ZNF475: variants seen among roughly 807,000 people sequenced by gnomAD.
ZNF475 encodes zinc finger protein 475.
the ZNF475 span, among the ~76,000 whole-genome samples, chr5:122,170,284 G>A: frequency 1.3e-5 from 2 of 151,978 alleles, no homozygotes; most frequent in African/African-American, 4.8e-5. Flanking sequence ...AAAAGTTGAG[G>A]GCTCAGTCTC....
the ZNF475 span, among the ~76,000 whole-genome samples, chr5:122,178,872 T>C: frequency 6.6e-6 from 1 of 152,232 alleles, no homozygotes; most frequent in African/African-American, 2.4e-5. Context: ...GTTTTAGATC[T>C]TACATTTCAT....
At chr5:122,171,997 G>T in the ZNF475 span, among the ~76,000 whole-genome samples, 1 of 152,016 alleles carries the variant, frequency 6.6e-6, no homozygotes, top group Non-Finnish European at 1.5e-5. Context: ...TACCTGCCTT[G>T]GTCTCCCAAA....
At chr5:122,165,290 G>C in the ZNF475 span, among the ~76,000 whole-genome samples, 2 of 152,150 alleles carry the variant, frequency 1.3e-5, no homozygotes, top group Non-Finnish European at 1.5e-5. Context: ...TGTTTTATTG[G>C]CTTTTGAAAT....
chr5:122,168,176 C>G, the ZNF475 span, among the ~76,000 whole-genome samples: 2 of 152,196 alleles, frequency 1.3e-5, no homozygotes, highest in Non-Finnish European at 2.9e-5. Flanking sequence ...TCCCTAATAG[C>G]TGGGGTTACA....
chr5:122,175,925 G>A, the ZNF475 span, among the ~76,000 whole-genome samples: 1 of 152,186 alleles, frequency 6.6e-6, no homozygotes, highest in South Asian at 2.1e-4. Flanking sequence ...AAAGTGTATT[G>A]TTCTCTTCCT....
At chr5:122,179,247 AT>A in the ZNF475 span, among the ~76,000 whole-genome samples, 1 of 152,144 alleles carries the variant, frequency 6.6e-6, no homozygotes, top group South Asian at 2.1e-4. Flanking sequence ...TCAGTATAAA[AT>A]TTAAAGTGGT....
the ZNF475 span, among the ~76,000 whole-genome samples, chr5:122,171,561 C>T: frequency 6.6e-6 from 1 of 152,146 alleles, no homozygotes; most frequent in Non-Finnish European, 1.5e-5. Flanking sequence ...TAAAAGGACC[C>T]ACTAAAGTTA....
chr5:122,161,239 C>G, the ZNF475 span, among the ~76,000 whole-genome samples: 656 of 152,294 alleles, frequency 4.3e-3, 11 homozygotes, highest in South Asian at 0.049. Flanking sequence ...CTAGTAAATC[C>G]AGGAACTCAA....
the ZNF475 span, among the ~76,000 whole-genome samples, chr5:122,182,278 A>G: frequency 4.6e-5 from 7 of 152,324 alleles, 2 homozygotes; most frequent in South Asian, 2.1e-4. Context: ...TCAACACTTG[A>G]AAGAGCGAGC....
the ZNF475 span, among the ~76,000 whole-genome samples, chr5:122,172,722 T>C: frequency 3.9e-4 from 60 of 152,162 alleles, no homozygotes; most frequent in Non-Finnish European, 7.3e-4. Context: ...GTATCTTCTG[T>C]ATAATTAGTA....
chr5:122,165,467 A>G, the ZNF475 span, among the ~76,000 whole-genome samples: 1 of 152,236 alleles, frequency 6.6e-6, no homozygotes, highest in East Asian at 1.9e-4. Context: ...CGTGGTCACC[A>G]TTTTTTAATT....
chr5:122,177,107 C>T, the ZNF475 span, among the ~76,000 whole-genome samples: 2 of 152,250 alleles, frequency 1.3e-5, no homozygotes, highest in South Asian at 2.1e-4. Flanking sequence ...TGTTAACAAG[C>T]GACTGTGGTA....
At chr5:122,165,985 G>A in the ZNF475 span, among the ~76,000 whole-genome samples, 1 of 152,190 alleles carries the variant, frequency 6.6e-6, no homozygotes, top group African/African-American at 2.4e-5. Flanking sequence ...GATAAATCCA[G>A]CAAATTACTG....
the ZNF475 span, among the ~76,000 whole-genome samples, chr5:122,166,497 C>G: frequency 2.6e-5 from 4 of 152,136 alleles, no homozygotes; most frequent in Non-Finnish European, 5.9e-5. Flanking sequence ...TCCCCCTCCC[C>G]CAATCCCACG....
At chr5:122,174,490 C>A in the ZNF475 span, among the ~76,000 whole-genome samples, 1 of 152,156 alleles carries the variant, frequency 6.6e-6, no homozygotes, top group Non-Finnish European at 1.5e-5. Context: ...ATGCTCAAAA[C>A]CTAAGAATAT....
the ZNF475 span, among the ~76,000 whole-genome samples, chr5:122,161,993 A>C: frequency 2.6e-5 from 4 of 151,864 alleles, no homozygotes; most frequent in Non-Finnish European, 5.9e-5. Flanking sequence ...AAAAAAAAAA[A>C]CCTTCAGCTA....
At chr5:122,168,997 T>G in the ZNF475 span, among the ~76,000 whole-genome samples, 1 of 152,168 alleles carries the variant, frequency 6.6e-6, no homozygotes, top group African/African-American at 2.4e-5. Flanking sequence ...GGGAGACACT[T>G]AGAACATGTT....
chr5:122,175,013 C>T, the ZNF475 span, among the ~76,000 whole-genome samples: 1 of 151,986 alleles, frequency 6.6e-6, no homozygotes, highest in Non-Finnish European at 1.5e-5. Flanking sequence ...TAGAACCTAC[C>T]ATATGGCTAA....
chr5:122,165,853 C>T, the ZNF475 span, among the ~76,000 whole-genome samples: 10 of 151,878 alleles, frequency 6.6e-5, no homozygotes, highest in East Asian at 3.9e-4. Context: ...AGGACACAGG[C>T]GTTTCATTTG....
Sources: gnomAD v4.1 joint callset for allele counts (sites outside exome capture counted in the v4.1 genomes callset) on GRCh38, gnomAD v4.1.1 for gene constraint, MANE v1.5 for transcripts, NCBI Gene and HGNC (gene_info 2026-07-23, HGNC 2026-07-21) for gene names.